The following CNTN4 variants were observed in gnomAD, a reference collection of about 807,000 sequenced individuals.
CNTN4 encodes the protein contactin 4, also known as contactin-4.
CNTN4 carries 77 observed loss-of-function variants against 122.5 expected under a neutral mutation model. That is an observed-to-expected ratio of 0.63 (90% CI 0.52 to 0.76). CNTN4 has a LOEUF of 0.76. Ranked by LOEUF, CNTN4 falls within the 30% of genes least tolerant of loss-of-function variation. The probability of loss-of-function intolerance (pLI) is 0.00; values close to 1 mark genes in which losing one functional copy is unlikely to be tolerated. For synonymous variants in CNTN4, 512 were observed against 447.0 expected (o/e 1.15, Z -1.83); for missense variants, 1,256 against 1,259.1 (o/e 1.00, Z 0.04).
In CNTN4 at chr3:2,695,609, T is replaced by C. The variant is rs562887490; in HGVS notation, c.56-40606T>C. Reference sequence around the variant, plus strand: ...GACACCAGCAGAGGGATATTGGGGGTTGTGGGGAAGGGATGTTATAGAGAA... The same window carrying C: ...GACACCAGCAGAGGGATATTGGGGGCTGTGGGGAAGGGATGTTATAGAGAA... On this transcript the variant is annotated intron_variant, in intron 4 of 24. Coordinates refer to ENST00000418658, the MANE Select transcript of CNTN4 (RefSeq NM_175607.3). Among the ~76,000 whole-genome samples, 21 of 152,112 alleles carry C rather than the reference T, an allele frequency of 1.4e-4. 1 individual carries two copies. In the South Asian group the frequency reaches 3.5e-3, roughly 26 times the overall value.
At chr3:2,574,195 A>G (rs963942543) in intron 4 of CNTN4, among the ~76,000 whole-genome samples, 19 of 151,934 alleles carry the variant, frequency 1.3e-4, no homozygotes, top group South Asian at 4.1e-4. Context: ...CAGCCTGGGC[A>G]ACAAGAGTGA....
intron 2 of CNTN4, among the ~76,000 whole-genome samples, chr3:2,230,520 C>T (rs2039444241): frequency 1.3e-5 from 2 of 152,140 alleles, no homozygotes; most frequent in Admixed American, 6.6e-5. Context: ...TTGCACCAGC[C>T]TTCCCATGCC....
At chr3:2,404,472 A>G (rs1206794011) in intron 3 of CNTN4, among the ~76,000 whole-genome samples, 2 of 152,164 alleles carry the variant, frequency 1.3e-5, no homozygotes, top group African/African-American at 4.8e-5. Context: ...CTTCAAAGCC[A>G]GAAATGATGG....
At chr3:2,167,543 C>G (rs1449538790) in intron 2 of CNTN4, among the ~76,000 whole-genome samples, 2 of 152,044 alleles carry the variant, frequency 1.3e-5, no homozygotes, top group South Asian at 2.1e-4. Flanking sequence ...AAAACTATTA[C>G]CAGACTGGGA....
intron 2 of CNTN4, among the ~76,000 whole-genome samples, chr3:2,139,959 C>G (rs1351775431): frequency 6.6e-6 from 1 of 152,226 alleles, no homozygotes; most frequent in Non-Finnish European, 1.5e-5. Flanking sequence ...ATGGGGGGCA[C>G]CCAGTGGGAG....
At chr3:2,559,048 A>G (rs2078838565) in intron 3 of CNTN4, among the ~76,000 whole-genome samples, 1 of 152,196 alleles carries the variant, frequency 6.6e-6, no homozygotes. Flanking sequence ...TTAAACAAAG[A>G]ACATATTTAT....
rs554787944 is a variant in CNTN4, at chr3:2,961,020, G to C, written c.1359-27325G>C. On this transcript the variant is annotated intron_variant, in intron 13 of 24. Coordinates refer to ENST00000418658, the MANE Select transcript of CNTN4 (RefSeq NM_175607.3). ...CCGAGGCGGGTGGATCACGAGGTCA[G>C]GAGATCGAGACCATCCTGGCTAACA... Among the ~76,000 whole-genome samples, 146 of 128,864 alleles carry C rather than the reference G, an allele frequency of 1.1e-3. 1 individual carries two copies. Among genetic ancestry groups the C allele is most frequent in the African/African-American group, 3.7e-3 (137 of 36,948 alleles). The allele number at this position is 128,864 out of a possible 152,430, so 84.5% of individuals were successfully genotyped here. A position where few individuals can be genotyped will look rare whatever the true frequency, so the allele number is the denominator to read the frequency against.
intron 2 of CNTN4, among the ~76,000 whole-genome samples, chr3:2,136,564 C>G (rs1376866013): frequency 6.6e-6 from 1 of 152,056 alleles, no homozygotes; most frequent in African/African-American, 2.4e-5. Context: ...TAGGCTATCT[C>G]TGGTAATGCT....
At chr3:3,053,632 G>A (rs963261600) in intron 23 of CNTN4, among the ~76,000 whole-genome samples, 175 bp from the exon 24 acceptor site, 16 of 152,140 alleles carry the variant, frequency 1.1e-4, no homozygotes, top group Non-Finnish European at 1.3e-4. Context: ...GGAATAAAAT[G>A]GTAGCTGCAG....
At chr3:2,197,868 A>T (rs907901982) in intron 2 of CNTN4, among the ~76,000 whole-genome samples, 2 of 152,058 alleles carry the variant, frequency 1.3e-5, no homozygotes, top group Admixed American at 6.6e-5. Context: ...TACAAAAATT[A>T]GCCAGGAGTG....
At chr3:2,570,593 T>C (rs944350885) in intron 3 of CNTN4, among the ~76,000 whole-genome samples, 2 of 152,206 alleles carry the variant, frequency 1.3e-5, no homozygotes, top group Admixed American at 1.3e-4. Flanking sequence ...CCTGGATCTG[T>C]GTTCCACATT....
At chr3:2,670,289 A>G (rs1228395411) in intron 4 of CNTN4, among the ~76,000 whole-genome samples, 3 of 152,168 alleles carry the variant, frequency 2.0e-5, no homozygotes, top group Non-Finnish European at 4.4e-5. Context: ...TATTGGGTAC[A>G]TATATATTTA....
At chr3:2,536,359 T>C (rs2077805260) in intron 3 of CNTN4, among the ~76,000 whole-genome samples, 1 of 152,148 alleles carries the variant, frequency 6.6e-6, no homozygotes. Context: ...GAAATCATCA[T>C]TGTATCTCCC....
intron 3 of CNTN4, among the ~76,000 whole-genome samples, chr3:2,489,736 G>T (rs567161181): frequency 6.6e-6 from 1 of 152,256 alleles, no homozygotes; most frequent in East Asian, 1.9e-4. Context: ...CTTAGAATAA[G>T]CCACATATTT....
At chr3:2,655,190 T>G (rs567123504) in intron 4 of CNTN4, among the ~76,000 whole-genome samples, 12 of 152,328 alleles carry the variant, frequency 7.9e-5, no homozygotes, top group Admixed American at 3.3e-4. Context: ...ATACAGAATC[T>G]TAATAAGGAG....
intron 23 of CNTN4, among the ~76,000 whole-genome samples, chr3:3,051,308 A>G (rs985455858): frequency 1.1e-4 from 16 of 152,192 alleles, no homozygotes; most frequent in Admixed American, 2.6e-4. Context: ...ACAGCCTTCA[A>G]TCAGCTCAAG....
intron 2 of CNTN4, among the ~76,000 whole-genome samples, chr3:2,163,543 A>G (rs542840281): frequency 6.6e-6 from 1 of 152,202 alleles, no homozygotes; most frequent in Non-Finnish European, 1.5e-5. Flanking sequence ...AGCAAAAGAA[A>G]TAGTCAGCAA....
At chr3:2,134,008 A>G (rs990859251) in intron 2 of CNTN4, among the ~76,000 whole-genome samples, 1 of 152,166 alleles carries the variant, frequency 6.6e-6, no homozygotes, top group African/African-American at 2.4e-5. Flanking sequence ...TTTAAAACTG[A>G]TGAAATTTTA....
At chr3:2,898,648 T>G (rs991493130) in intron 10 of CNTN4, among the ~76,000 whole-genome samples, 10 of 152,226 alleles carry the variant, frequency 6.6e-5, no homozygotes, top group African/African-American at 9.6e-5. Context: ...TTGAAATCTC[T>G]CTCTCTGCAT....
Sources: gnomAD v4.1 joint callset for allele counts (sites outside exome capture counted in the v4.1 genomes callset) on GRCh38, gnomAD v4.1.1 for gene constraint, MANE v1.5 for transcripts, NCBI Gene and HGNC (gene_info 2026-07-23, HGNC 2026-07-21) for gene names.